ZBTB16: variants seen among roughly 807,000 people sequenced by gnomAD.
ZBTB16 encodes the protein zinc finger and BTB domain-containing protein 16.
ZBTB16 carries 8 observed loss-of-function variants against 56.8 expected under a neutral mutation model. The observed-to-expected ratio is 0.14, with a 90% confidence interval of 0.08 to 0.25. ZBTB16 has a LOEUF of 0.25. Ranked by LOEUF, ZBTB16 falls within the 10% of genes least tolerant of loss-of-function variation. ZBTB16 has a pLI of 1.00. For synonymous variants in ZBTB16, 363 were observed against 368.5 expected (o/e 0.98, Z 0.17); for missense variants, 625 against 903.0 (o/e 0.69, Z 3.95).
intron 2 of ZBTB16, among the ~76,000 whole-genome samples, chr11:114,085,565 T>C (rs969384533): frequency 1.3e-5 from 2 of 152,054 alleles, no homozygotes; most frequent in Non-Finnish European, 2.9e-5. Flanking sequence ...AAGTGAGGTA[T>C]GGGGGAGCAG....
At chr11:114,106,308 C>T (rs1435200648) in intron 2 of ZBTB16, among the ~76,000 whole-genome samples, 1 of 152,194 alleles carries the variant, frequency 6.6e-6, no homozygotes, top group African/African-American at 2.4e-5. Context: ...TTTTGGGGGT[C>T]ACTGTGGCTC....
At chr11:114,185,602 G>A (rs1269591855) in intron 3 of ZBTB16, among the ~76,000 whole-genome samples, 1 of 152,202 alleles carries the variant, frequency 6.6e-6, no homozygotes, top group African/African-American at 2.4e-5. Context: ...TGAGTAGATT[G>A]CGGGTGGCTG....
chr11:114,184,600 T>C (rs1943322493), intron 3 of ZBTB16, among the ~76,000 whole-genome samples: 1 of 152,226 alleles, frequency 6.6e-6, no homozygotes, highest in South Asian at 2.1e-4. Context: ...TCACCTTTAC[T>C]ATGTCAACCA....
At chr11:114,187,255 G>C (rs1173515586) in intron 4 of ZBTB16, 2 of 648,196 alleles carry the variant, frequency 3.1e-6, no homozygotes, top group Non-Finnish European at 5.6e-6. Context: ...CCATGAGAAT[G>C]GCTGTCCTAG....
chr11:114,163,583 AGCTGAACC>A (rs939959798), intron 3 of ZBTB16, among the ~76,000 whole-genome samples: 5 of 152,044 alleles, frequency 3.3e-5, no homozygotes, highest in African/African-American at 7.2e-5. Context: ...TAGTCAGGCC[AGCTGAACC>A]GAGAAAGTTG....
At chr11:114,119,118 T>G (rs1314606756) in intron 2 of ZBTB16, among the ~76,000 whole-genome samples, 1 of 151,556 alleles carries the variant, frequency 6.6e-6, no homozygotes, top group Non-Finnish European at 1.5e-5. Context: ...TACAAAAAAT[T>G]AGCTGGATGT....
rs905233637 is a variant in ZBTB16, at chr11:114,250,761, C to T, written c.*206C>T. ...ACTGCCCCTCCTCTGGGGGCCTCCA[C>T]CCTCCTCTCCCGGCTGGAGGTTTGC... is the stretch of plus-strand genomic sequence containing the variant. On this transcript the variant is annotated 3_prime_UTR_variant, in exon 7 of 7. Coordinates refer to ENST00000335953, the MANE Select transcript of ZBTB16 (RefSeq NM_006006.6). The surrounding 1 kb of genome is among the most constrained non-coding windows in gnomAD (Gnocchi z 6.0). The T allele has an allele frequency of 1.6e-6, 1 of 608,186 alleles. No individual in the cohort carries two copies. The highest frequency in any genetic ancestry group is 1.9e-5 in the African/African-American group (1 of 53,996). 37.7% of individuals were successfully genotyped at this position (608,186 alleles called of 1,614,324 possible). A position where few individuals can be genotyped will look rare whatever the true frequency, so the allele number is the denominator to read the frequency against.
rs1389327382 is a variant in ZBTB16 at position 114,060,250 on chromosome 11, T to C, written c.-91+368T>C. The C allele has an allele frequency of 6.4e-6, 1 of 156,794 alleles. No homozygotes were observed. Among genetic ancestry groups the C allele is most frequent in the Non-Finnish European group, 1.4e-5 (1 of 71,372 alleles). The allele number at this position is 156,794 out of a possible 1,614,324, so 9.7% of individuals were successfully genotyped here. On this transcript the variant is annotated intron_variant, in intron 1 of 6. Transcript: ENST00000335953. This position sits in a 1 kb window ranked among gnomAD's most constrained non-coding sequence, Gnocchi z 6.0. ...GGGGCTGGCGGAGCAACAGAGCCCG[T>C]GGGTGCTCTTATGTATGCGGACCGG...
chr11:114,150,204 C>A (rs1232536053), intron 2 of ZBTB16, among the ~76,000 whole-genome samples: 1 of 152,164 alleles, frequency 6.6e-6, no homozygotes, highest in African/African-American at 2.4e-5. Flanking sequence ...CATGATGTCA[C>A]CCTTAGAAGG....
intron 2 of ZBTB16, among the ~76,000 whole-genome samples, chr11:114,121,484 C>G (rs1459209009): frequency 6.6e-6 from 1 of 152,124 alleles, no homozygotes; most frequent in Non-Finnish European, 1.5e-5. Context: ...TATTCTCATG[C>G]CTGGTTCTTG....
intron 2 of ZBTB16, among the ~76,000 whole-genome samples, chr11:114,123,878 C>A (rs945789451): frequency 1.3e-5 from 2 of 152,192 alleles, no homozygotes; most frequent in African/African-American, 4.8e-5. Flanking sequence ...GGGCGCCAGG[C>A]TGCTACGGGA....
chr11:114,212,100 C>T (rs956402152), intron 4 of ZBTB16, among the ~76,000 whole-genome samples: 10 of 149,444 alleles, frequency 6.7e-5, no homozygotes, highest in African/African-American at 5.0e-5. Flanking sequence ...GTGGACCGGG[C>T]GAGCTGTGCA....
rs183487377 is a variant in ZBTB16, at chr11:114,083,617, A to G, written c.1268+19049A>G. 2.0e-4 allele frequency among the ~76,000 whole-genome samples: 31 copies of G among 152,184 alleles called. No individual in the cohort carries two copies. The East Asian group carries it at 5.8e-3, about 28-fold the overall frequency. ...GGGTGATAGAATCCACTACCCTGAC[A>G]TCTGGGGTTGCCCTGTTCTGCTGTG... On this transcript the variant is annotated intron_variant, in intron 2 of 6. Coordinates refer to ENST00000335953, the MANE Select transcript of ZBTB16 (RefSeq NM_006006.6).
At chr11:114,122,640 C>T (rs1407042240) in intron 2 of ZBTB16, among the ~76,000 whole-genome samples, 1 of 152,178 alleles carries the variant, frequency 6.6e-6, no homozygotes. Context: ...AATTCTCTCT[C>T]TCTTTCTCAT....
chr11:114,148,250 C>T (rs1164287439), intron 2 of ZBTB16, among the ~76,000 whole-genome samples: 1 of 151,934 alleles, frequency 6.6e-6, no homozygotes, highest in Non-Finnish European at 1.5e-5. Context: ...TTTCAAGGCT[C>T]AGGACAGTTC....
At position 114,250,961 on chromosome 11, in the gene ZBTB16, A is replaced by C. The variant is rs1944907838; in HGVS notation, c.*406A>C. 6.6e-6 allele frequency among the ~76,000 whole-genome samples: 1 copy of C among 151,866 alleles called. No individual in the cohort carries two copies. Among genetic ancestry groups the C allele is most frequent in the Non-Finnish European group, 1.5e-5 (1 of 67,956 alleles). On this transcript the variant is annotated 3_prime_UTR_variant, in exon 7 of 7. Coordinates refer to ENST00000335953, the MANE Select transcript of ZBTB16 (RefSeq NM_006006.6). The surrounding 1 kb of genome is among the most constrained non-coding windows in gnomAD (Gnocchi z 6.0). ...CCGGCCTTCCTCCACCAAGACCCCCAGGAGATGAAGGGAGGGAGGAGGTGA... is the reference window on the plus strand; with the variant it reads ...CCGGCCTTCCTCCACCAAGACCCCCCGGAGATGAAGGGAGGGAGGAGGTGA...
intron 2 of ZBTB16, among the ~76,000 whole-genome samples, chr11:114,139,271 T>C (rs1941881179): frequency 6.6e-6 from 1 of 151,950 alleles, no homozygotes; most frequent in African/African-American, 2.4e-5. Flanking sequence ...TTGCTCACAC[T>C]GATCCCCAGT....
chr11:114,139,352 T>A (rs1941883323), intron 2 of ZBTB16, among the ~76,000 whole-genome samples: 1 of 152,200 alleles, frequency 6.6e-6, no homozygotes, highest in African/African-American at 2.4e-5. Flanking sequence ...CAGTTATTAT[T>A]TTTATTGTAC....
chr11:114,126,196 C>A (rs1461802182), intron 2 of ZBTB16, among the ~76,000 whole-genome samples: 1 of 152,160 alleles, frequency 6.6e-6, no homozygotes, highest in East Asian at 1.9e-4. Context: ...TTCTTTTGCC[C>A]AGGCGTGGAT....
Sources: gnomAD v4.1 joint callset for allele counts (sites outside exome capture counted in the v4.1 genomes callset) on GRCh38, gnomAD v4.1.1 for gene constraint, Gnocchi (gnomAD v3.1) non-coding constraint, MANE v1.5 for transcripts, NCBI Gene and HGNC (gene_info 2026-07-23, HGNC 2026-07-21) for gene names.